Variants in ERG observed in about 807,000 individuals in gnomAD.
ERG encodes the protein transcriptional regulator ERG.
In ERG, 9 loss-of-function variants were observed where a neutral mutation model predicts 55.3. The ratio of observed to expected loss-of-function variants is 0.16; its 90% CI spans 0.10 to 0.28. The LOEUF (loss-of-function observed/expected upper bound fraction) is 0.28. Ranked by LOEUF, ERG falls within the 10% of genes least tolerant of loss-of-function variation. ERG has a pLI of 1.00. For missense variants in ERG, 434 were observed against 631.6 expected (o/e 0.69, Z 3.35); for synonymous variants, 223 against 237.3 (o/e 0.94, Z 0.55).
intron 3 of ERG, among the ~76,000 whole-genome samples, chr21:38,409,209 C>T (rs1354745835): frequency 2.0e-5 from 3 of 151,998 alleles, no homozygotes; most frequent in South Asian, 2.1e-4. Flanking sequence ...TCAGGCTGGG[C>T]GTGGTGGCTC....
intron 1 of ERG, among the ~76,000 whole-genome samples, chr21:38,454,574 GC>G (rs1331267774): frequency 1.3e-5 from 2 of 152,170 alleles, no homozygotes; most frequent in South Asian, 4.1e-4. Context: ...CTGCCGAGCA[GC>G]TCTCTCCCAG....
intron 2 of ERG, among the ~76,000 whole-genome samples, chr21:38,555,136 G>T (rs577274926): frequency 2.0e-5 from 3 of 152,150 alleles, no homozygotes; most frequent in African/African-American, 7.2e-5. Context: ...AGACCAGCCT[G>T]GCCAACATAG....
chr21:38,580,403 T>A (rs2060021629), intron 1 of ERG, among the ~76,000 whole-genome samples: 1 of 152,232 alleles, frequency 6.6e-6, no homozygotes, highest in Non-Finnish European at 1.5e-5. Context: ...CCAAACAAAC[T>A]AAAACCATAC....
intron 2 of ERG, among the ~76,000 whole-genome samples, chr21:38,564,061 A>G (rs1207122719): frequency 2.0e-5 from 3 of 151,568 alleles, no homozygotes; most frequent in Non-Finnish European, 4.4e-5. Flanking sequence ...TTTATTATCA[A>G]CCCTGCAGAG....
At chr21:38,617,241 T>C (rs1037679994) in intron 1 of ERG, among the ~76,000 whole-genome samples, 2 of 152,196 alleles carry the variant, frequency 1.3e-5, no homozygotes, top group African/African-American at 4.8e-5. Flanking sequence ...TTTAACAATT[T>C]AATGAAAAAA....
downstream of ERG, among the ~76,000 whole-genome samples, chr21:38,376,014 T>C (rs1809146225): frequency 2.0e-5 from 3 of 152,238 alleles, no homozygotes; most frequent in Admixed American, 1.3e-4. Context: ...CATCCTATTG[T>C]GGTTGCCCAT....
At chr21:38,436,167 A>AT (rs34522738) in intron 2 of ERG, among the ~76,000 whole-genome samples, 63,592 of 149,102 alleles carry the variant, frequency 0.43, 15,338 homozygotes, top group South Asian at 0.55. Flanking sequence ...CACCTGGCTA[A>AT]TTTTTTTTTT....
chr21:38,409,488 TA>T (rs71330329), intron 3 of ERG, among the ~76,000 whole-genome samples: 1,240 of 79,528 alleles, frequency 0.016, 11 homozygotes, highest in Admixed American at 0.028. Context: ...CTCCGTCTCA[TA>T]AAAAAAAAAA....
intron 2 of ERG, among the ~76,000 whole-genome samples, chr21:38,529,832 G>C (rs530225417): frequency 1.6e-3 from 246 of 152,016 alleles, no homozygotes; most frequent in Non-Finnish European, 3.0e-3. Context: ...CAGGCATGGT[G>C]GTGGGCACCT....
At chr21:38,431,183 G>C (rs780458694) in intron 2 of ERG, among the ~76,000 whole-genome samples, 10 of 152,204 alleles carry the variant, frequency 6.6e-5, no homozygotes, top group Non-Finnish European at 1.3e-4. Flanking sequence ...TGGAAATTTT[G>C]TTAAATTTGA....
At chr21:38,437,533 G>A (rs1416425239) in intron 2 of ERG, among the ~76,000 whole-genome samples, 1 of 152,220 alleles carries the variant, frequency 6.6e-6, no homozygotes, top group Admixed American at 6.5e-5. Context: ...AAGGAGGCAA[G>A]AGCCTCTTGT....
intron 1 of ERG, among the ~76,000 whole-genome samples, chr21:38,601,343 A>ATC: frequency 6.6e-6 from 1 of 152,286 alleles, no homozygotes; most frequent in African/African-American, 2.4e-5. Context: ...GAAAAGGCAG[A>ATC]TCTCTTTGGT....
At chr21:38,487,285 C>T (rs532811588) in intron 1 of ERG, among the ~76,000 whole-genome samples, 10 of 152,100 alleles carry the variant, frequency 6.6e-5, no homozygotes, top group African/African-American at 2.2e-4. Context: ...TTCAAAGACC[C>T]TTGATGGTGT....
intron 2 of ERG, among the ~76,000 whole-genome samples, chr21:38,442,528 C>T (rs2058851272): frequency 6.6e-6 from 1 of 152,228 alleles, no homozygotes; most frequent in Non-Finnish European, 1.5e-5. Flanking sequence ...CCCCAGTCTG[C>T]TGCGCTGAGG....
chr21:38,488,873 G>A (rs909206553), intron 1 of ERG, among the ~76,000 whole-genome samples: 3 of 152,190 alleles, frequency 2.0e-5, no homozygotes, highest in Non-Finnish European at 2.9e-5. Flanking sequence ...AAAAATCACC[G>A]AGTAGATGAC....
chr21:38,450,685 T>G (rs117393283), intron 1 of ERG, among the ~76,000 whole-genome samples: 1 of 152,338 alleles, frequency 6.6e-6, no homozygotes, highest in East Asian at 1.9e-4. Context: ...TCATGCAATA[T>G]CCTCTTAAAT....
intron 2 of ERG, among the ~76,000 whole-genome samples, chr21:38,545,183 C>T (rs1568900396): frequency 6.6e-6 from 1 of 152,210 alleles, no homozygotes; most frequent in Non-Finnish European, 1.5e-5. Context: ...CTTTCTGCTG[C>T]CTCTTACCCC....
intron 2 of ERG, among the ~76,000 whole-genome samples, chr21:38,433,683 G>A (rs925976767): frequency 2.0e-5 from 3 of 152,066 alleles, no homozygotes; most frequent in Non-Finnish European, 4.4e-5. Flanking sequence ...ATTTATCCAA[G>A]AACGGCACTG....
rs1989490558 is a variant in ERG, at chr21:38,420,400, A to G, written c.388+3010T>C. Among the ~76,000 whole-genome samples the G allele has an allele frequency of 2.0e-5, 3 of 152,224 alleles. No individual in the cohort carries two copies. The South Asian group carries it at 6.2e-4, about 32-fold the overall frequency. ...AGACTCACAACTTGCAAAATCAGCC[A>G]CAACTAGCTCTCTTACAAACACTAT... On this transcript the variant is annotated intron_variant, in intron 3 of 9. Coordinates refer to ENST00000288319, the MANE Select transcript of ERG (RefSeq NM_182918.4).
Sources: allele counts gnomAD v4.1 joint callset (sites outside exome capture counted in the v4.1 genomes callset), GRCh38; gene constraint gnomAD v4.1.1; transcripts MANE v1.5; gene names NCBI Gene and HGNC (gene_info 2026-07-23, HGNC 2026-07-21).